The following TUBGCP5 variants were observed in gnomAD, a reference collection of about 807,000 sequenced individuals.
The protein encoded by TUBGCP5 is gamma-tubulin complex component 5.
A neutral mutation model predicts 134.7 loss-of-function variants in TUBGCP5; 98 were observed. The ratio of observed to expected loss-of-function variants is 0.73; its 90% CI spans 0.62 to 0.86. The LOEUF is 0.86. Among genes scored for constraint, TUBGCP5 ranks in the 40% least tolerant of loss-of-function variants. TUBGCP5 has a pLI of 0.00. For missense variants in TUBGCP5, 1,150 were observed against 1,244.8 expected, an observed-to-expected ratio of 0.92 and a Z score of 1.15; for synonymous variants, 456 against 431.4, an observed-to-expected ratio of 1.06 and a Z score of -0.71.
intron 23 of TUBGCP5, among the ~76,000 whole-genome samples, chr15:22,984,333 T>C (rs1331593709): frequency 2.0e-5 from 3 of 151,808 alleles, no homozygotes; most frequent in African/African-American, 4.8e-5. Context: ...AGAAAACTCT[T>C]TTTTGGCTGG....
At chr15:22,989,526 C>T (rs8043036) in intron 23 of TUBGCP5, among the ~76,000 whole-genome samples, 22,188 of 152,078 alleles carry the variant, frequency 0.15, 1,972 homozygotes, top group South Asian at 0.24. Context: ...TTGTCTTGGT[C>T]TGTCTTTTTA....
intron 22 of TUBGCP5, 123 bp downstream of exon 22, chr15:23,000,446 C>G (rs2064303889): frequency 1.3e-6 from 2 of 1,485,018 alleles, no homozygotes; most frequent in Admixed American, 5.1e-5. Context: ...TGCTAAGGGA[C>G]TTTTCAGTTT....
intron 10 of TUBGCP5, 41 bp from the exon 11 acceptor site, chr15:23,022,202 T>C: frequency 6.3e-7 from 1 of 1,591,234 alleles, no homozygotes; most frequent in Non-Finnish European, 8.6e-7. Context: ...CAAGGAAAAA[T>C]ACATGCATCT....
At chr15:23,032,056 G>T in intron 4 of TUBGCP5, 27 bp from the exon 5 acceptor site, 1 of 1,556,540 alleles carries the variant, frequency 6.4e-7, no homozygotes, top group Non-Finnish European at 8.8e-7. Context: ...GAACTTCATT[G>T]GCTTTATTAT....
intron 3 of TUBGCP5, 141 bp from the exon 4 acceptor site, chr15:23,032,965 C>A: frequency 1.9e-6 from 1 of 513,874 alleles, no homozygotes; most frequent in Non-Finnish European, 3.3e-6. Context: ...CTAAATAATC[C>A]TTAACCTTCA....
chr15:22,993,974 C>G (rs2063952723), intron 23 of TUBGCP5, among the ~76,000 whole-genome samples: 1 of 151,976 alleles, frequency 6.6e-6, no homozygotes, highest in Non-Finnish European at 1.5e-5. Context: ...AGCCACTGAG[C>G]TTCTGATGTC....
intron 23 of TUBGCP5, among the ~76,000 whole-genome samples, chr15:22,989,777 A>T (rs2063792599): frequency 6.6e-6 from 1 of 152,110 alleles, no homozygotes. Context: ...ATTTCTTGCC[A>T]CACCTTGTTC....
chr15:23,025,075 CATTTTTTGT>C (rs1272290805), intron 8 of TUBGCP5, among the ~76,000 whole-genome samples: 1 of 151,946 alleles, frequency 6.6e-6, no homozygotes, highest in East Asian at 1.9e-4. Flanking sequence ...CTAATTTTTG[CATTTTTTGT>C]AGATACGGGG....
chr15:23,011,911 T>C (rs1021925022), intron 13 of TUBGCP5, among the ~76,000 whole-genome samples: 3 of 145,204 alleles, frequency 2.1e-5, no homozygotes, highest in African/African-American at 7.6e-5. Flanking sequence ...AGCTCAGGAG[T>C]TTGAGACCAG....
Position 22,988,835 on chromosome 15 carries a change from C to G in TUBGCP5, c.*62-5224G>C, listed in dbSNP as rs531528069. Reference sequence around the variant, plus strand: ...AGGCTGGAGTGCAGTGGCGTGATCTCAGCTCACTGCAACCTCCGATTCCCT... The same window carrying G: ...AGGCTGGAGTGCAGTGGCGTGATCTGAGCTCACTGCAACCTCCGATTCCCT... On this transcript the variant is annotated intron_variant and NMD_transcript_variant, in intron 23 of 23. Coordinates refer to the TUBGCP5 transcript ENST00000614508. Among the ~76,000 whole-genome samples the G allele has an allele frequency of 4.6e-5, 7 of 151,988 alleles. No homozygotes were observed. In the East Asian group the frequency reaches 1.4e-3, roughly 30 times the overall value.
chr15:23,015,988 A>G (rs182368076), intron 13 of TUBGCP5, among the ~76,000 whole-genome samples: 4 of 152,312 alleles, frequency 2.6e-5, no homozygotes, highest in African/African-American at 9.6e-5. Context: ...AAGAAAACCA[A>G]TAATTCTCTA....
chr15:23,030,342 A>G (rs1018493450), intron 6 of TUBGCP5, among the ~76,000 whole-genome samples: 7 of 152,118 alleles, frequency 4.6e-5, no homozygotes, highest in Non-Finnish European at 1.0e-4. Context: ...CACTGACACC[A>G]AGTGCACAGA....
chr15:23,025,609 G>C (rs1014337072), intron 8 of TUBGCP5, among the ~76,000 whole-genome samples: 3 of 152,114 alleles, frequency 2.0e-5, no homozygotes, highest in African/African-American at 7.2e-5. Context: ...AAGGTGGGTG[G>C]ATCATGAGGT....
At chr15:23,019,546 C>T (rs1595874395) in intron 11 of TUBGCP5, among the ~76,000 whole-genome samples, 2 of 152,142 alleles carry the variant, frequency 1.3e-5, no homozygotes, top group African/African-American at 4.8e-5. Flanking sequence ...GCCTGTGATC[C>T]CAGCACTTTG....
At position 23,013,732 on chromosome 15, in the gene TUBGCP5, G is replaced by A. The variant is rs1235586451; in HGVS notation, c.1757-2401C>T. On this transcript the variant is annotated intron_variant, in intron 13 of 22. Transcript: ENST00000615383. The surrounding 1 kb of genome is among the most constrained non-coding windows in gnomAD (Gnocchi z 4.5). ...GTTTGGAGAGCTGCTGGGAATTCACGCAGCTGCCTTGCCCCGGGTTAGGGG... is the reference window on the plus strand; with the variant it reads ...GTTTGGAGAGCTGCTGGGAATTCACACAGCTGCCTTGCCCCGGGTTAGGGG... Among the ~76,000 whole-genome samples, 7 of 152,270 alleles carry A rather than the reference G, an allele frequency of 4.6e-5. No individual in the cohort carries two copies. Among genetic ancestry groups the A allele is most frequent in the East Asian group, 1.9e-4 (1 of 5,170 alleles).
intron 11 of TUBGCP5, among the ~76,000 whole-genome samples, chr15:23,021,587 C>T (rs1404422350): frequency 6.6e-6 from 1 of 152,222 alleles, no homozygotes; most frequent in African/African-American, 2.4e-5. Context: ...CATTAAACAA[C>T]AGCTCCCCAT....
At chr15:23,023,808 T>G in intron 10 of TUBGCP5, 139 bp downstream of exon 10, 1 of 778,710 alleles carries the variant, frequency 1.3e-6, no homozygotes, top group Non-Finnish European at 1.9e-6. Context: ...AATATAAATT[T>G]AAAATAATTT....
At chr15:23,038,096 C>T (rs1314371581) in intron 1 of TUBGCP5, among the ~76,000 whole-genome samples, 1 of 152,018 alleles carries the variant, frequency 6.6e-6, no homozygotes, top group African/African-American at 2.4e-5. Flanking sequence ...ATGAACTATT[C>T]ATTTTTCTGA....
In TUBGCP5 at chr15:22,991,186, C is replaced by G. The variant is rs573054895; in HGVS notation, c.*61+5659G>C. ...GATGTCAGCTCACTGCAACCTCTGC[C>G]TCCCAGGCTCAAGTGATTCTACTGC... On this transcript the variant is annotated intron_variant and NMD_transcript_variant, in intron 23 of 23. Coordinates refer to the TUBGCP5 transcript ENST00000614508. Among the ~76,000 whole-genome samples, 9 of 152,140 alleles carry G rather than the reference C, an allele frequency of 5.9e-5. No homozygotes were observed. In the East Asian group the frequency reaches 1.7e-3, roughly 29 times the overall value.
Sources: gnomAD v4.1 joint callset for allele counts (sites outside exome capture counted in the v4.1 genomes callset) on GRCh38, gnomAD v4.1.1 for gene constraint, Gnocchi (gnomAD v3.1) non-coding constraint, MANE v1.5 for transcripts, NCBI Gene and HGNC (gene_info 2026-07-23, HGNC 2026-07-21) for gene names.